SH2D3C: variants seen among roughly 807,000 people sequenced by gnomAD.
The protein encoded by SH2D3C is SH2 domain containing 3C.
Under a neutral mutation model 75.2 loss-of-function variants are expected in SH2D3C, and 25 were observed. That is an observed-to-expected ratio of 0.33 (90% CI 0.24 to 0.46). SH2D3C has a LOEUF of 0.46. Among genes scored for constraint, SH2D3C ranks in the 20% least tolerant of loss-of-function variants. The pLI is 1.00. For synonymous variants in SH2D3C, 450 were observed against 473.7 expected, an observed-to-expected ratio of 0.95 and a Z score of 0.65; for missense variants, 933 against 1,165.3, an observed-to-expected ratio of 0.80 and a Z score of 2.90.
chr9:127,749,748 A>C lies in SH2D3C; in HGVS notation c.685-83T>G, dbSNP rs1269973473. 4.8e-6 allele frequency: 4 copies of C among 831,594 alleles called. No individual in the cohort carries two copies. Among genetic ancestry groups the C allele is most frequent in the Non-Finnish European group, 7.8e-6 (4 of 515,892 alleles). The allele number at this position is 831,594 out of a possible 1,614,324, so 51.5% of individuals were successfully genotyped here. On this transcript the variant is annotated intron_variant, in intron 4 of 11. Transcript: ENST00000314830. This position sits in a 1 kb window ranked among gnomAD's most constrained non-coding sequence, Gnocchi z 5.9. ...GATCTGGGGGACAGAGCAACCCAGG[A>C]TTAGGGGGCACAGCAAGACCAGACC...
At chr9:127,750,657 G>C (rs192811383) in intron 4 of SH2D3C, among the ~76,000 whole-genome samples, 2 of 152,228 alleles carry the variant, frequency 1.3e-5, no homozygotes, top group African/African-American at 4.8e-5. Context: ...CACCCTTGGT[G>C]CTTAGCACAG....
chr9:127,757,055 G>A (rs181442379), intron 3 of SH2D3C, among the ~76,000 whole-genome samples: 13 of 150,940 alleles, frequency 8.6e-5, no homozygotes, highest in African/African-American at 2.9e-4. Context: ...TCAGCTTCCC[G>A]AGTAGCTGGG....
chr9:127,742,514 G>A lies in SH2D3C; in HGVS notation c.1916+335C>T, dbSNP rs994325401. On this transcript the variant is annotated intron_variant, in intron 8 of 11. Coordinates refer to ENST00000314830, the MANE Select transcript of SH2D3C (RefSeq NM_170600.3). ...GGCCTCCCAAAATGCTGGGATTACA[G>A]GCTCGAGCCACCGCGCCCGGCCAGG... 1.7e-5 allele frequency: 4 copies of A among 240,422 alleles called. No individual in the cohort carries two copies. The Admixed American group carries it at 2.1e-4, about 13-fold the overall frequency. 14.9% of individuals were successfully genotyped at this position (240,422 alleles called of 1,614,324 possible).
intron 5 of SH2D3C, among the ~76,000 whole-genome samples, 165 bp from the exon 6 acceptor site, chr9:127,747,436 A>T (rs1382585107): frequency 6.6e-6 from 1 of 152,154 alleles, no homozygotes; most frequent in Non-Finnish European, 1.5e-5. Context: ...TGAAGCCCAG[A>T]TGAGGGAGGG....
chr9:127,755,008 C>T (rs1338351575), intron 3 of SH2D3C: 9 of 772,798 alleles, frequency 1.2e-5, no homozygotes, highest in South Asian at 3.9e-5. Flanking sequence ...CCGGCTGGCT[C>T]TAGGGCCCCG....
At chr9:127,747,047 C>A (rs1344627148) in intron 6 of SH2D3C, 100 bp downstream of exon 6, 1 of 1,259,546 alleles carries the variant, frequency 7.9e-7, no homozygotes, top group East Asian at 2.4e-5. Context: ...AAAGGTCGCG[C>A]CTCATAAAAG....
At chr9:127,743,015 G>T (rs1421265945) in intron 7 of SH2D3C, 51 bp from the exon 8 acceptor site, 1 of 1,417,346 alleles carries the variant, frequency 7.1e-7, no homozygotes, top group Non-Finnish European at 9.9e-7. Context: ...GCTGGCCCCA[G>T]CCATCTGGGA....
intron 2 of SH2D3C, 43 bp from the exon 3 acceptor site, chr9:127,761,693 G>C: frequency 6.4e-7 from 1 of 1,566,672 alleles, no homozygotes; most frequent in Non-Finnish European, 8.8e-7. Context: ...GCCCTGCTTG[G>C]CTCCCCAGCT....
chr9:127,767,499 G>C (rs1845657870), intron 2 of SH2D3C: 1 of 165,420 alleles, frequency 6.0e-6, no homozygotes, highest in Non-Finnish European at 1.2e-5. Flanking sequence ...GGGTGCAGAG[G>C]AGGTGAAGCT....
chr9:127,757,636 G>GATTATTATT (rs59274690), intron 3 of SH2D3C, among the ~76,000 whole-genome samples: 900 of 88,176 alleles, frequency 0.01, 3 homozygotes, highest in East Asian at 0.029. Flanking sequence ...TGATGATGAT[G>GATTATTATT]ATGATGATGA....
At chr9:127,771,137 C>T in intron 2 of SH2D3C, 1 of 1,424,066 alleles carries the variant, frequency 7.0e-7, no homozygotes, top group Non-Finnish European at 9.4e-7. Flanking sequence ...CCTCCTTCGA[C>T]CTCTCCTGCT....
At position 127,754,786 on chromosome 9, in the gene SH2D3C, G is replaced by A. The variant is rs1295136409; in HGVS notation, c.556-3486C>T. 1 of 478,290 alleles carries A rather than the reference G, an allele frequency of 2.1e-6. No homozygotes were observed. The highest frequency in any genetic ancestry group is 6.8e-5 in the East Asian group (1 of 14,788). The allele number at this position is 478,290 out of a possible 1,614,324, so 29.6% of individuals were successfully genotyped here. On this transcript the variant is annotated intron_variant, in intron 3 of 11. Coordinates refer to ENST00000314830, the MANE Select transcript of SH2D3C (RefSeq NM_170600.3). The surrounding 1 kb of genome is among the most constrained non-coding windows in gnomAD (Gnocchi z 4.4). ...AGGACGCCGGAGACCCCATCTCCCA[G>A]TCCCCCCTGCCCCAGCTCTCTCCCT...
rs778726656 is a variant in SH2D3C at position 127,744,775 on chromosome 9, T to C, written c.1589A>G (p.Glu530Gly). 6.2e-7 allele frequency: 1 copy of C among 1,614,216 alleles called. No homozygotes were observed. Among genetic ancestry groups the C allele is most frequent in the Non-Finnish European group, 8.5e-7 (1 of 1,180,036 alleles). ...SYGERLKELS[E>G]NGAPEGDWGK... The stretch of plus-strand genomic sequence containing the variant: ...CCAGTCCCCTTCAGGGGCCCCATTT[T>C]CTGACAGTTCCTTTAGCCTCTCCCC... The change falls in exon 7 of 12, where the codon GAA (glutamate) becomes GGA (glycine). Residue 530 changes from glutamate to glycine, a missense_variant. Transcript: ENST00000314830.
Position 127,741,814 on chromosome 9 carries a change from C to G in SH2D3C, c.2062G>C (p.Val688Leu). The change falls in exon 9 of 12, where the codon GTC becomes CTC. Residue 688 changes from valine (V) to leucine (L), a missense_variant. Val to Leu is a conservative substitution (Grantham distance 32). Transcript: ENST00000314830. ...TGGGCCATGTCCAGGGCACCCATGA[C>G]CGCCGCGAAGCTGAACATGTTGCCC... is the stretch of plus-strand genomic sequence containing the variant. Reference protein sequence around the residue: ...TMGNMFSFAAVMGALDMAQIS... With the variant: ...TMGNMFSFAALMGALDMAQIS... 6.2e-7 allele frequency: 1 copy of G among 1,613,310 alleles called. No individual in the cohort carries two copies.
At position 127,739,654 on chromosome 9, in the gene SH2D3C, GC is replaced by G. The variant is rs773722558; in HGVS notation, c.2407+27del. The G allele has an allele frequency of 7.5e-5, 119 of 1,579,372 alleles. No homozygotes were observed. The highest frequency in any genetic ancestry group is 9.9e-5 in the Non-Finnish European group (115 of 1,158,806). ...GGTGGAGGGAGGCCCAGGCCTGCAAGCCCCCCAAGATGCCACCCGCCACTCA... is the reference window on the plus strand; with the variant it reads ...GGTGGAGGGAGGCCCAGGCCTGCAAGCCCCCAAGATGCCACCCGCCACTCA... On this transcript the variant is annotated intron_variant, in intron 11 of 11. Transcript: ENST00000314830. The surrounding 1 kb of genome is among the most constrained non-coding windows in gnomAD (Gnocchi z 4.3).
intron 2 of SH2D3C, among the ~76,000 whole-genome samples, chr9:127,770,930 C>A (rs185579093): frequency 1.3e-5 from 2 of 152,312 alleles, no homozygotes; most frequent in Non-Finnish European, 1.5e-5. Context: ...GTGTCAAACT[C>A]GGCAGGCAAA....
In SH2D3C at chr9:127,747,144, T is replaced by A; in HGVS notation, c.1264+3A>T. ...CCTGCTCCACCCCCTCTGCTGGCCA[T>A]ACCAGTGCTGTAGGCAGGGGAGCTA... On this transcript the variant is annotated splice_donor_region_variant and intron_variant, in intron 6 of 11. Transcript: ENST00000314830. 6.2e-7 allele frequency: 1 copy of A among 1,613,502 alleles called. No individual in the cohort carries two copies. Among genetic ancestry groups the A allele is most frequent in the Non-Finnish European group, 8.5e-7 (1 of 1,179,726 alleles).
chr9:127,772,484 A>T (rs1368030116), intron 2 of SH2D3C, among the ~76,000 whole-genome samples: 2 of 151,412 alleles, frequency 1.3e-5, no homozygotes, highest in Non-Finnish European at 2.9e-5. Flanking sequence ...CTGGTCTCGA[A>T]CTCCTGACCT....
intron 2 of SH2D3C, chr9:127,762,309 C>T: frequency 7.7e-7 from 1 of 1,293,656 alleles, no homozygotes; most frequent in Non-Finnish European, 1.0e-6. Flanking sequence ...ACCACTCCCC[C>T]CACCGCATGG....
Sources: gnomAD v4.1 joint callset for allele counts (sites outside exome capture counted in the v4.1 genomes callset) on GRCh38, gnomAD v4.1.1 for gene constraint, Gnocchi (gnomAD v3.1) non-coding constraint, MANE v1.5 for transcripts, NCBI Gene and HGNC (gene_info 2026-07-23, HGNC 2026-07-21) for gene names.